TMEM132D: variants seen among roughly 807,000 people sequenced by gnomAD.
TMEM132D encodes the protein mature OL transmembrane protein.
Under a neutral mutation model 62.3 loss-of-function variants are expected in TMEM132D, and 21 were observed. The ratio of observed to expected loss-of-function variants is 0.34; its 90% CI spans 0.24 to 0.49. The LOEUF (loss-of-function observed/expected upper bound fraction) is 0.49, where lower values mean the gene tolerates loss of function less well. TMEM132D is among the 20% of genes least tolerant of loss of function. The probability of loss-of-function intolerance (pLI) is 0.99; values close to 1 mark genes in which losing one functional copy is unlikely to be tolerated. For missense variants in TMEM132D, 1,346 were observed against 1,402.8 expected, an observed-to-expected ratio of 0.96 and a Z score of 0.65; for synonymous variants, 621 against 575.6, an observed-to-expected ratio of 1.08 and a Z score of -1.13.
intron 3 of TMEM132D, among the ~76,000 whole-genome samples, chr12:129,494,898 C>T (rs1450924656): frequency 6.6e-6 from 1 of 152,188 alleles, no homozygotes; most frequent in Non-Finnish European, 1.5e-5. Flanking sequence ...ATGCCCTGTA[C>T]TCAGTAGTGA....
chr12:129,385,078 T>TA (rs1390921244), intron 3 of TMEM132D, among the ~76,000 whole-genome samples: 2 of 147,020 alleles, frequency 1.4e-5, no homozygotes, highest in Admixed American at 6.9e-5. Flanking sequence ...TTTACACTGT[T>TA]AAAGTTCTTT....
intron 3 of TMEM132D, among the ~76,000 whole-genome samples, chr12:129,417,902 C>T (rs150568890): frequency 0.017 from 2,528 of 152,256 alleles, 85 homozygotes; most frequent in African/African-American, 0.058. Context: ...TATGAACAGA[C>T]ACTTCTCAAA....
intron 4 of TMEM132D, among the ~76,000 whole-genome samples, chr12:129,263,740 A>T (rs570498637): frequency 1.2e-4 from 18 of 152,090 alleles, no homozygotes; most frequent in Non-Finnish European, 2.4e-4. Context: ...AAGGATTAAA[A>T]TATACATCCC....
At chr12:129,323,918 T>TA (rs5801845) in intron 4 of TMEM132D, among the ~76,000 whole-genome samples, 1 of 152,054 alleles carries the variant, frequency 6.6e-6, no homozygotes, top group African/African-American at 2.4e-5. Context: ...TTTTATTTTT[T>TA]TTTTTTGAAG....
intron 7 of TMEM132D, among the ~76,000 whole-genome samples, chr12:129,079,231 C>T (rs1331792879): frequency 6.6e-6 from 1 of 152,206 alleles, no homozygotes; most frequent in Non-Finnish European, 1.5e-5. Flanking sequence ...AAGGCGGATC[C>T]TGCTGGTCCA....
intron 1 of TMEM132D, among the ~76,000 whole-genome samples, chr12:129,749,221 C>A (rs1437433138): frequency 6.6e-6 from 1 of 152,186 alleles, no homozygotes; most frequent in African/African-American, 2.4e-5. Flanking sequence ...AGTCAAAGTC[C>A]AGCTATAAAT....
chr12:129,515,894 G>C (rs1875659942), intron 3 of TMEM132D, among the ~76,000 whole-genome samples: 1 of 152,150 alleles, frequency 6.6e-6, no homozygotes, highest in Non-Finnish European at 1.5e-5. Flanking sequence ...TAAAACCTTG[G>C]TTAAATAAAT....
chr12:129,691,046 C>T (rs1158043460), intron 2 of TMEM132D, among the ~76,000 whole-genome samples: 1 of 151,700 alleles, frequency 6.6e-6, no homozygotes, highest in Non-Finnish European at 1.5e-5. Context: ...ATGGTAAGTC[C>T]AACAGATTTT....
intron 4 of TMEM132D, among the ~76,000 whole-genome samples, chr12:129,276,762 G>A (rs1881018398): frequency 6.6e-6 from 1 of 152,192 alleles, no homozygotes; most frequent in African/African-American, 2.4e-5. Flanking sequence ...CTCGTTTCCT[G>A]CAAACTTTTA....
At chr12:129,218,166 T>C (rs1326251044) in intron 4 of TMEM132D, among the ~76,000 whole-genome samples, 1 of 152,212 alleles carries the variant, frequency 6.6e-6, no homozygotes, top group Non-Finnish European at 1.5e-5. Flanking sequence ...TTCTGAGGGC[T>C]TTTTGTCCAG....
intron 1 of TMEM132D, among the ~76,000 whole-genome samples, chr12:129,703,856 G>A (rs978546290): frequency 6.6e-6 from 1 of 151,056 alleles, no homozygotes; most frequent in Non-Finnish European, 1.5e-5. Flanking sequence ...AAGGCAATTT[G>A]AGCACAAGAC....
At chr12:129,692,221 A>G (rs1334625844) in intron 2 of TMEM132D, among the ~76,000 whole-genome samples, 2 of 152,220 alleles carry the variant, frequency 1.3e-5, no homozygotes, top group African/African-American at 4.8e-5. Context: ...ACATATAAAA[A>G]GAATTACACA....
intron 1 of TMEM132D, among the ~76,000 whole-genome samples, chr12:129,871,434 C>A (rs1055426001): frequency 2.0e-5 from 3 of 152,060 alleles, no homozygotes; most frequent in African/African-American, 7.2e-5. Flanking sequence ...CCAGCTGAGA[C>A]AGAAGGCAGA....
intron 2 of TMEM132D, among the ~76,000 whole-genome samples, chr12:129,670,168 C>T (rs941021200): frequency 3.9e-5 from 6 of 152,246 alleles, no homozygotes; most frequent in African/African-American, 1.4e-4. Flanking sequence ...TTCTAACCTC[C>T]AAGCTGTCCT....
intron 5 of TMEM132D, among the ~76,000 whole-genome samples, chr12:129,188,248 CTT>C (rs1038642089): frequency 5.7e-4 from 87 of 152,286 alleles, no homozygotes; most frequent in African/African-American, 2.0e-3. Context: ...CTGCTGTTGC[CTT>C]GTTAGCAGGT....
chr12:129,106,161 G>GT (rs1255349944), intron 5 of TMEM132D, among the ~76,000 whole-genome samples: 2 of 150,442 alleles, frequency 1.3e-5, no homozygotes, highest in Admixed American at 1.3e-4. Flanking sequence ...GTAAACTATC[G>GT]TAAGAACAAA....
At chr12:129,677,283 C>T (rs888908057) in intron 2 of TMEM132D, among the ~76,000 whole-genome samples, 6 of 152,078 alleles carry the variant, frequency 3.9e-5, no homozygotes, top group East Asian at 1.9e-4. Flanking sequence ...GGTTTTAAAA[C>T]GAGGAGTTTC....
At chr12:129,572,741 G>A (rs1318354717) in intron 2 of TMEM132D, among the ~76,000 whole-genome samples, 6 of 151,936 alleles carry the variant, frequency 3.9e-5, no homozygotes, top group East Asian at 2.0e-4. Flanking sequence ...GAGCCAGCGC[G>A]CCCGGCCCAG....
intron 4 of TMEM132D, among the ~76,000 whole-genome samples, chr12:129,325,635 T>C (rs1868885738): frequency 6.6e-6 from 1 of 152,114 alleles, no homozygotes; most frequent in Admixed American, 6.5e-5. Context: ...ACTCCAGCCT[T>C]CATGAAAGGT....
Sources: gnomAD v4.1 joint callset for allele counts (sites outside exome capture counted in the v4.1 genomes callset) on GRCh38, gnomAD v4.1.1 for gene constraint, MANE v1.5 for transcripts, NCBI Gene and HGNC (gene_info 2026-07-23, HGNC 2026-07-21) for gene names.